SPPL2B: variants seen among roughly 807,000 people sequenced by gnomAD.
SPPL2B encodes signal peptide peptidase-like 2B.
In SPPL2B, 39 loss-of-function variants were observed where a neutral mutation model predicts 59.7. That is an observed-to-expected ratio of 0.65 (90% CI 0.51 to 0.85). The LOEUF (loss-of-function observed/expected upper bound fraction) is 0.85, where lower values mean the gene tolerates loss of function less well. Among genes scored for constraint, SPPL2B ranks in the 40% least tolerant of loss-of-function variants. The probability of loss-of-function intolerance (pLI) is 0.00; values close to 1 mark genes in which losing one functional copy is unlikely to be tolerated. For missense variants in SPPL2B, 865 were observed against 849.0 expected (o/e 1.02, Z -0.23); for synonymous variants, 419 against 370.8 (o/e 1.13, Z -1.49).
At chr19:2,339,277 C>T (rs1454891158) in intron 5 of SPPL2B, 69 bp downstream of exon 5, 27 of 1,533,098 alleles carry the variant, frequency 1.8e-5, no homozygotes, top group Non-Finnish European at 2.3e-5. Context: ...GACGGCCAGT[C>T]TTCCAGAACA....
chr19:2,351,462 C>T lies in SPPL2B; in HGVS notation c.1383C>T (p.Phe461=), dbSNP rs558305587. The T allele has an allele frequency of 2.0e-5, 32 of 1,608,622 alleles. No individual in the cohort carries two copies. The highest frequency in any genetic ancestry group is 6.7e-5 in the African/African-American group (5 of 75,040). ...IAYGVGLLVT[F]VALALMQRGQ... is the part of the protein sequence containing the mutation. Reference sequence around the variant, plus strand: ...ATGGCGTTGGCCTCCTTGTGACATTCGTGGCACTGGCCCTGATGCAGCGTG... The same window carrying T: ...ATGGCGTTGGCCTCCTTGTGACATTTGTGGCACTGGCCCTGATGCAGCGTG... The change falls in exon 14 of 15, where the codon TTC becomes TTT. Residue 461 remains phenylalanine, a synonymous_variant. Coordinates refer to ENST00000613503, the MANE Select transcript of SPPL2B (RefSeq NM_152988.3).
chr19:2,330,471 G>A (rs1968226573), intron 1 of SPPL2B: 1 of 152,392 alleles, frequency 6.6e-6, no homozygotes, highest in African/African-American at 2.4e-5. Context: ...AGGAGGGGAA[G>A]GGTGTTGGAA....
chr19:2,344,274 C>T, intron 10 of SPPL2B, 88 bp from the exon 11 acceptor site: 4 of 717,322 alleles, frequency 5.6e-6, no homozygotes, highest in Middle Eastern at 3.9e-4. Flanking sequence ...CCCCCCATCG[C>T]ATCACCCTGC....
rs374164507 is a variant in SPPL2B at position 2,343,030 on chromosome 19, A to C, written c.957-181A>C. 154 of 604,136 alleles carry C rather than the reference A, an allele frequency of 2.5e-4. 3 individuals carry two copies. Among genetic ancestry groups the C allele is most frequent in the East Asian group, 2.5e-3 (88 of 35,642 alleles). 37.4% of individuals were successfully genotyped at this position (604,136 alleles called of 1,614,324 possible). ...GGGCCTGTGCCGCCAGCCCTGCTGG[A>C]GTTGTAACAGCAGGGGTCCTCCCAC... On this transcript the variant is annotated intron_variant, in intron 8 of 14. Coordinates refer to ENST00000613503, the MANE Select transcript of SPPL2B (RefSeq NM_152988.3).
At position 2,344,748 on chromosome 19, in the gene SPPL2B, G is replaced by T. The variant is rs1030845560; in HGVS notation, c.1276+96G>T. The T allele has an allele frequency of 5.3e-5, 42 of 793,154 alleles. No homozygotes were observed. The South Asian group carries it at 6.0e-4, about 11-fold the overall frequency. 49.1% of individuals were successfully genotyped at this position (793,154 alleles called of 1,614,324 possible). ...GGGAGTGAGTGGCCCGCACACCGTCGGCTGGAGATAAAGCCCTGAGGGTCA... is the reference window on the plus strand; with the variant it reads ...GGGAGTGAGTGGCCCGCACACCGTCTGCTGGAGATAAAGCCCTGAGGGTCA... On this transcript the variant is annotated intron_variant, in intron 12 of 14. Coordinates refer to ENST00000613503, the MANE Select transcript of SPPL2B (RefSeq NM_152988.3).
chr19:2,344,920 C>T (rs1193580551), intron 12 of SPPL2B, among the ~76,000 whole-genome samples: 2 of 152,148 alleles, frequency 1.3e-5, no homozygotes, highest in Non-Finnish European at 2.9e-5. Context: ...CGGGGTTGTG[C>T]AGGGGTCCTT....
In SPPL2B at chr19:2,336,415, G is replaced by C. The variant is rs551373179; in HGVS notation, c.187-1028G>C. On this transcript the variant is annotated intron_variant, in intron 2 of 14. Coordinates refer to ENST00000613503, the MANE Select transcript of SPPL2B (RefSeq NM_152988.3). Reference sequence around the variant, plus strand: ...CTGTGTGTATGTGTGTGTACATGTGGATAATAGGTTTGTGTGTGGATGTGT... The same window carrying C: ...CTGTGTGTATGTGTGTGTACATGTGCATAATAGGTTTGTGTGTGGATGTGT... Among the ~76,000 whole-genome samples the C allele has an allele frequency of 9.2e-5, 14 of 151,890 alleles. No homozygotes were observed. In the South Asian group the frequency reaches 2.7e-3, roughly 29 times the overall value.
At chr19:2,351,831 G>GGCCCGGGGGTGCCGGGTGGT (rs1969942654) in intron 14 of SPPL2B, among the ~76,000 whole-genome samples, 2 of 148,780 alleles carry the variant, frequency 1.3e-5, no homozygotes, top group Admixed American at 6.7e-5. Flanking sequence ...TGCCGGGTGG[G>GGCCCGGGGGTGCCGGGTGGT]ACGCGGGGGT....
rs71176540 is a variant in SPPL2B at position 2,330,275 on chromosome 19, A to ATTTTT, written c.66+1515_66+1519dup. The ATTTTT allele has an allele frequency of 3.4e-3, 452 of 132,204 alleles. 24 individuals carry two copies. Among genetic ancestry groups the ATTTTT allele is most frequent in the South Asian group, 0.016 (69 of 4,290 alleles). 8.2% of individuals were successfully genotyped at this position (132,204 alleles called of 1,614,324 possible). On this transcript the variant is annotated intron_variant, in intron 1 of 14. Transcript: ENST00000613503. Reference sequence around the variant, plus strand: ...GGTGCATGCCACCACTCCTGGCTAAATTTTTTTTTTTTTTTTTTTAGTAGA... The same window carrying ATTTTT: ...GGTGCATGCCACCACTCCTGGCTAAATTTTTTTTTTTTTTTTTTTTTTTTAGTAGA...
intron 13 of SPPL2B, among the ~76,000 whole-genome samples, chr19:2,346,195 A>C (rs2145185869): frequency 6.6e-6 from 1 of 152,348 alleles, no homozygotes; most frequent in East Asian, 1.9e-4. Context: ...GGGCCAGGCC[A>C]GGCCTCCTCT....
At position 2,343,962 on chromosome 19, in the gene SPPL2B, C is replaced by T. The variant is rs2145177284; in HGVS notation, c.1039-3C>T. 6.5e-7 allele frequency: 1 copy of T among 1,547,738 alleles called. No individual in the cohort carries two copies. The highest frequency in any genetic ancestry group is 8.7e-7 in the Non-Finnish European group (1 of 1,146,294). On this transcript the variant is annotated splice_polypyrimidine_tract_variant and splice_region_variant and intron_variant, in intron 9 of 14. Coordinates refer to ENST00000613503, the MANE Select transcript of SPPL2B (RefSeq NM_152988.3). ...GGGCCGCCCTCAGCCGTGGGCTTCG[C>T]AGGCCTGCACGCTGCTGCTGCTGGT...
intron 5 of SPPL2B, 113 bp from the exon 6 acceptor site, chr19:2,339,711 G>A (rs1968898594): frequency 1.6e-6 from 2 of 1,283,342 alleles, no homozygotes; most frequent in Non-Finnish European, 2.2e-6. Flanking sequence ...TCCCCCCCGG[G>A]TCCCCTCCTG....
At chr19:2,350,853 G>A (rs1270153343) in intron 13 of SPPL2B, among the ~76,000 whole-genome samples, 2 of 152,226 alleles carry the variant, frequency 1.3e-5, no homozygotes, top group Non-Finnish European at 2.9e-5. Flanking sequence ...TGCCAAGGGT[G>A]GCCATGTGTG....
Position 2,337,363 on chromosome 19 carries a change from C to T in SPPL2B, c.187-80C>T, listed in dbSNP as rs1968710645. ...GGGCTGGGATCTAACTCAGCGCAGG[C>T]TTCAGGTGGGAGAACGGGCAGCTGG... is the stretch of plus-strand genomic sequence containing the variant. On this transcript the variant is annotated intron_variant, in intron 2 of 14. Coordinates refer to ENST00000613503, the MANE Select transcript of SPPL2B (RefSeq NM_152988.3). 7 of 1,366,534 alleles carry T rather than the reference C, an allele frequency of 5.1e-6. No individual in the cohort carries two copies. In the South Asian group the frequency reaches 8.1e-5, roughly 16 times the overall value. 84.7% of individuals were successfully genotyped at this position (1,366,534 alleles called of 1,614,324 possible).
intron 13 of SPPL2B, among the ~76,000 whole-genome samples, chr19:2,350,262 G>T (rs955529233): frequency 7.6e-6 from 1 of 131,814 alleles, no homozygotes; most frequent in Non-Finnish European, 1.5e-5. Context: ...GCTCTTATTC[G>T]CTTGATTCCG....
At chr19:2,352,423 G>A (rs1002300678) in intron 14 of SPPL2B, among the ~76,000 whole-genome samples, 29 of 152,160 alleles carry the variant, frequency 1.9e-4, no homozygotes, top group African/African-American at 6.5e-4. Flanking sequence ...CCGCGCATGG[G>A]GTCCTACGTC....
intron 3 of SPPL2B, chr19:2,338,282 C>G (rs887462198): frequency 6.4e-6 from 1 of 156,704 alleles, no homozygotes; most frequent in African/African-American, 2.4e-5. Flanking sequence ...CACCCTGAGC[C>G]TGGCAATCCA....
chr19:2,337,345 G>A (rs1382803140), intron 2 of SPPL2B, 98 bp from the exon 3 acceptor site: 6 of 1,205,154 alleles, frequency 5.0e-6, no homozygotes, highest in Non-Finnish European at 5.9e-6. Context: ...TGAGGGCTGG[G>A]ATCTAACTCA....
chr19:2,343,088 A>C (rs1051758626), intron 8 of SPPL2B, 123 bp from the exon 9 acceptor site: 9 of 734,346 alleles, frequency 1.2e-5, no homozygotes, highest in African/African-American at 1.0e-4. Context: ...TCCCCTGGGC[A>C]GGTGGAAGGG....
Sources: allele counts gnomAD v4.1 joint callset (sites outside exome capture counted in the v4.1 genomes callset), GRCh38; gene constraint gnomAD v4.1.1; transcripts MANE v1.5; gene names NCBI Gene and HGNC (gene_info 2026-07-23, HGNC 2026-07-21).